The following PRKAR1B variants were observed in gnomAD, a reference collection of about 807,000 sequenced individuals.
PRKAR1B encodes the protein cAMP-dependent protein kinase type I-beta regulatory subunit.
In PRKAR1B, 22 loss-of-function variants were observed where a neutral mutation model predicts 46.5. The ratio of observed to expected loss-of-function variants is 0.47; its 90% CI spans 0.34 to 0.68. PRKAR1B has a LOEUF of 0.68. Ranked by LOEUF, PRKAR1B falls within the 30% of genes least tolerant of loss-of-function variation. PRKAR1B has a pLI of 0.01. For synonymous variants in PRKAR1B, 259 were observed against 217.7 expected, an observed-to-expected ratio of 1.19 and a Z score of -1.67; for missense variants, 445 against 535.6, an observed-to-expected ratio of 0.83 and a Z score of 1.67.
chr7:594,474 A>G (rs1454786255), intron 7 of PRKAR1B, among the ~76,000 whole-genome samples: 1 of 152,178 alleles, frequency 6.6e-6, no homozygotes, highest in Non-Finnish European at 1.5e-5. Flanking sequence ...ACCCCCAACC[A>G]GCTCAGAGGA....
chr7:609,989 T>C (rs990797264), intron 4 of PRKAR1B, among the ~76,000 whole-genome samples: 1 of 152,176 alleles, frequency 6.6e-6, no homozygotes, highest in Non-Finnish European at 1.5e-5. Context: ...GCAATCCTCC[T>C]ACCTTGGCCT....
At chr7:676,505 C>T (rs188638181) in intron 4 of PRKAR1B, among the ~76,000 whole-genome samples, 2 of 152,340 alleles carry the variant, frequency 1.3e-5, no homozygotes, top group African/African-American at 2.4e-5. Flanking sequence ...GAACACGAAG[C>T]CCACGGTAAT....
intron 9 of PRKAR1B, among the ~76,000 whole-genome samples, chr7:565,977 A>T (rs1779101574): frequency 6.6e-6 from 1 of 152,236 alleles, no homozygotes; most frequent in Non-Finnish European, 1.5e-5. Flanking sequence ...TCAGCTGGTG[A>T]GGTCTGAACT....
intron 4 of PRKAR1B, among the ~76,000 whole-genome samples, chr7:672,055 C>T (rs566941284): frequency 8.9e-4 from 135 of 152,326 alleles, no homozygotes; most frequent in Non-Finnish European, 1.6e-3. Flanking sequence ...GGACAGCACC[C>T]GTTCCCTACC....
chr7:622,763 AC>A (rs1033375790), intron 4 of PRKAR1B, among the ~76,000 whole-genome samples: 28 of 152,268 alleles, frequency 1.8e-4, no homozygotes, highest in African/African-American at 6.5e-4. Flanking sequence ...CAGAACATTT[AC>A]CAAAAAGGAC....
chr7:707,963 C>T (rs1780420799), intron 2 of PRKAR1B, among the ~76,000 whole-genome samples: 1 of 151,682 alleles, frequency 6.6e-6, no homozygotes, highest in South Asian at 2.1e-4. Flanking sequence ...AAGGAGCCAT[C>T]CCACCACACC....
chr7:631,681 C>T (rs554866690), intron 4 of PRKAR1B, among the ~76,000 whole-genome samples: 2 of 152,282 alleles, frequency 1.3e-5, no homozygotes, highest in South Asian at 4.1e-4. Flanking sequence ...ATGCCAGACG[C>T]GGTGCCTCAT....
rs1212699117 is a variant in PRKAR1B at position 550,571 on chromosome 7, C to A, written c.1005G>T (p.Arg335=). The A allele has an allele frequency of 6.3e-7, 1 of 1,593,612 alleles. No homozygotes were observed. Among genetic ancestry groups the A allele is most frequent in the East Asian group, 2.2e-5 (1 of 44,572 alleles). Residue 335 remains arginine (R), a synonymous_variant, in exon 11 of 11, where the codon CGG becomes CGT. Transcript: ENST00000537384. ...GEIALLLNRP[R]AATVVARGPL... ...GCCCCCGGGCCACGACAGTGGCCGC[C>A]CGGGGCCGGTTCAGCAGCAGTGCAA...
rs562095184 is a variant in PRKAR1B at position 593,156 on chromosome 7, C to T, written c.708+2990G>A. Among the ~76,000 whole-genome samples, 21 of 152,312 alleles carry T rather than the reference C, an allele frequency of 1.4e-4. No homozygotes were observed. The highest frequency in any genetic ancestry group is 9.2e-4 in the Admixed American group (14 of 15,298). On this transcript the variant is annotated intron_variant, in intron 7 of 10. Coordinates refer to ENST00000537384, the MANE Select transcript of PRKAR1B (RefSeq NM_001164760.2). This position sits in a 1 kb window ranked among gnomAD's most constrained non-coding sequence, Gnocchi z 6.1. ...TCACCCCATCCTTCCTCGGATAAAA[C>T]GTGAAGCGGTGGAGGAAAGAGACGG...
At chr7:578,829 G>A (rs1233299233) in intron 9 of PRKAR1B, 2 of 276,086 alleles carry the variant, frequency 7.2e-6, no homozygotes, top group East Asian at 1.2e-4. Flanking sequence ...TTACAGGCAT[G>A]TGCCACCACA....
chr7:606,307 C>A, intron 5 of PRKAR1B, 68 bp from the exon 6 acceptor site: 1 of 1,513,282 alleles, frequency 6.6e-7, no homozygotes. Context: ...GTTTCTCTTG[C>A]AAACGACTTT....
chr7:699,329 T>A (rs1779938327), intron 2 of PRKAR1B, among the ~76,000 whole-genome samples: 1 of 152,136 alleles, frequency 6.6e-6, no homozygotes, highest in Non-Finnish European at 1.5e-5. Context: ...AAGCACCACG[T>A]GCCATATCTC....
chr7:583,562 A>G (rs1434386639), intron 8 of PRKAR1B, among the ~76,000 whole-genome samples: 2 of 53,570 alleles, frequency 3.7e-5, no homozygotes, highest in Non-Finnish European at 7.9e-5. Flanking sequence ...ACATGCGTGC[A>G]CACCCATGCA....
intron 9 of PRKAR1B, 182 bp downstream of exon 9, chr7:579,074 T>G: frequency 1.0e-6 from 1 of 985,430 alleles, no homozygotes; most frequent in Non-Finnish European, 1.2e-6. Flanking sequence ...GCAGGAGGAA[T>G]CTCAGTGGCA....
chr7:561,260 GCACACACGCCTGTGCACACACACACA>G (rs1161262413), intron 9 of PRKAR1B, among the ~76,000 whole-genome samples: 10 of 149,886 alleles, frequency 6.7e-5, no homozygotes, highest in African/African-American at 2.2e-4. Flanking sequence ...AAACACACAG[GCACACACGCCTGTGCACACACACACA>G]CACACATCCA....
intron 4 of PRKAR1B, among the ~76,000 whole-genome samples, chr7:662,219 C>T (rs578156785): frequency 2.1e-5 from 2 of 93,258 alleles, no homozygotes; most frequent in Admixed American, 1.0e-4. Flanking sequence ...CCCACCCCAA[C>T]GGGTCCAAAT....
At chr7:708,885 G>A (rs975410373) in intron 2 of PRKAR1B, among the ~76,000 whole-genome samples, 17 of 149,906 alleles carry the variant, frequency 1.1e-4, no homozygotes, top group South Asian at 2.1e-4. Context: ...TCCACCTCCC[G>A]GGTTCAAGCC....
chr7:695,491 T>C (rs1443999202), intron 2 of PRKAR1B, among the ~76,000 whole-genome samples: 6 of 152,096 alleles, frequency 3.9e-5, no homozygotes, highest in African/African-American at 1.2e-4. Flanking sequence ...GCCATCTGAA[T>C]TACGATGACC....
intron 4 of PRKAR1B, among the ~76,000 whole-genome samples, chr7:638,989 A>G (rs1014798354): frequency 7.2e-5 from 11 of 152,106 alleles, no homozygotes; most frequent in African/African-American, 2.7e-4. Context: ...GAGGTAGGAG[A>G]ATCGCTTGAG....
Sources: gnomAD v4.1 joint callset for allele counts (sites outside exome capture counted in the v4.1 genomes callset) on GRCh38, gnomAD v4.1.1 for gene constraint, Gnocchi (gnomAD v3.1) non-coding constraint, MANE v1.5 for transcripts, NCBI Gene and HGNC (gene_info 2026-07-23, HGNC 2026-07-21) for gene names.